The following ERCC8 variants were observed in gnomAD, a reference collection of about 807,000 sequenced individuals.
The protein encoded by ERCC8 is ERCC excision repair 8, CSA ubiquitin ligase complex subunit, also known as DNA excision repair protein ERCC-8.
ERCC8 carries 52 observed loss-of-function variants against 54.9 expected under a neutral mutation model. That is an observed-to-expected ratio of 0.95 (90% CI 0.76 to 1.19). The LOEUF (loss-of-function observed/expected upper bound fraction) is 1.19. Ranked by LOEUF, ERCC8 falls within the 50% of genes most tolerant of loss-of-function variation. ERCC8 has a pLI of 0.00. For missense variants in ERCC8, 514 were observed against 466.1 expected (o/e 1.10, Z -0.95); for synonymous variants, 146 against 157.2 (o/e 0.93, Z 0.53).
chr5:60,924,616 T>A (rs1749696599), intron 2 of ERCC8: 2 of 154,602 alleles, frequency 1.3e-5, no homozygotes, highest in African/African-American at 4.8e-5. Context: ...TGAATTATTG[T>A]TTTAATATTT....
rs367623962 is a variant in ERCC8, at chr5:60,922,781, G to A, written c.174-626C>T. ...ACTCTGCTAAAACAACTGTCAACAAGGCAGGCATGGTTCCTGTCTTCGCAG... is the reference window on the plus strand; with the variant it reads ...ACTCTGCTAAAACAACTGTCAACAAAGCAGGCATGGTTCCTGTCTTCGCAG... On this transcript the variant is annotated intron_variant, in intron 2 of 11. Coordinates refer to ENST00000676185, the MANE Select transcript of ERCC8 (RefSeq NM_000082.4). 2.3e-3 allele frequency among the ~76,000 whole-genome samples: 353 copies of A among 152,234 alleles called. 1 individual carries two copies. Among genetic ancestry groups the A allele is most frequent in the Middle Eastern group, 0.017 (5 of 294 alleles).
At chr5:60,904,679 TATATAA>T in intron 5 of ERCC8, 107 bp downstream of exon 5, 2 of 196,778 alleles carry the variant, frequency 1.0e-5, no homozygotes, top group South Asian at 9.3e-5. Context: ...TATATATATA[TATATAA>T]AATTGTGATA....
chr5:60,904,454 A>C (rs1424827112), intron 5 of ERCC8, among the ~76,000 whole-genome samples: 1 of 151,528 alleles, frequency 6.6e-6, no homozygotes, highest in Non-Finnish European at 1.5e-5. Flanking sequence ...TCAAATTGGG[A>C]AAGTTGCCAA....
chr5:60,880,885 C>T (rs957516868), intron 11 of ERCC8, among the ~76,000 whole-genome samples: 9 of 152,180 alleles, frequency 5.9e-5, no homozygotes, highest in African/African-American at 1.9e-4. Flanking sequence ...ATTCTCCATC[C>T]AGTTTGTTCT....
chr5:60,911,614 T>A (rs576599982), intron 4 of ERCC8, among the ~76,000 whole-genome samples: 3 of 152,314 alleles, frequency 2.0e-5, no homozygotes, highest in Non-Finnish European at 2.9e-5. Flanking sequence ...ACTTGTCAAT[T>A]TTGACTTTTG....
At chr5:60,906,015 C>T (rs995396797) in intron 4 of ERCC8, among the ~76,000 whole-genome samples, 2 of 151,924 alleles carry the variant, frequency 1.3e-5, no homozygotes, top group Non-Finnish European at 1.5e-5. Flanking sequence ...AGGTGGAGCC[C>T]CTGGTGTCAG....
chr5:60,896,590 A>G (rs1748732722), intron 9 of ERCC8, among the ~76,000 whole-genome samples: 1 of 152,158 alleles, frequency 6.6e-6, no homozygotes, highest in Non-Finnish European at 1.5e-5. Context: ...ATCTGAAGAC[A>G]GTGTGTTTCC....
chr5:60,904,638 A>ATATATATATATT (rs1749009859), intron 5 of ERCC8, 154 bp downstream of exon 5: 2 of 26,938 alleles, frequency 7.4e-5, no homozygotes, highest in African/African-American at 5.0e-4. Flanking sequence ...GTGTGTGTAT[A>ATATATATATATT]TATATATATA....
chr5:60,940,848 G>A lies in ERCC8; in HGVS notation c.77+4084C>T, dbSNP rs182728037. Among the ~76,000 whole-genome samples, 499 of 152,270 alleles carry A rather than the reference G, an allele frequency of 3.3e-3. 2 individuals are homozygous for A. The highest frequency in any genetic ancestry group is 0.012 in the African/African-American group (483 of 41,546). On this transcript the variant is annotated intron_variant, in intron 1 of 11. Coordinates refer to ENST00000676185, the MANE Select transcript of ERCC8 (RefSeq NM_000082.4). Reference sequence around the variant, plus strand: ...AACATTCTTCATAGGATCAAAACAAGACCCAGAGTATTCAAAATGTCCAGG... The same window carrying A: ...AACATTCTTCATAGGATCAAAACAAAACCCAGAGTATTCAAAATGTCCAGG...
chr5:60,891,648 T>G (rs1349611459), intron 9 of ERCC8, among the ~76,000 whole-genome samples: 1 of 136,286 alleles, frequency 7.3e-6, no homozygotes, highest in African/African-American at 3.0e-5. Flanking sequence ...TGATATTTTT[T>G]GGGGGGGCAT....
chr5:60,913,443 C>G (rs1749333799), intron 4 of ERCC8, among the ~76,000 whole-genome samples: 1 of 151,996 alleles, frequency 6.6e-6, no homozygotes, highest in African/African-American at 2.4e-5. Context: ...GTGATATTCC[C>G]TTTATCATTT....
chr5:60,882,095 C>T (rs1274390950), intron 11 of ERCC8, among the ~76,000 whole-genome samples: 2 of 152,170 alleles, frequency 1.3e-5, no homozygotes, highest in Non-Finnish European at 2.9e-5. Context: ...CCTACCTCAG[C>T]CTCCCAGAGT....
intron 11 of ERCC8, among the ~76,000 whole-genome samples, chr5:60,884,895 T>C (rs1001200773): frequency 5.9e-5 from 9 of 152,188 alleles, no homozygotes; most frequent in Non-Finnish European, 1.3e-4. Context: ...TGTATATCTC[T>C]ATGTGATTTT....
In ERCC8 at chr5:60,944,980, G is replaced by T. The variant is rs887884214; in HGVS notation, c.29C>A (p.Thr10Lys). The T allele has an allele frequency of 6.2e-7, 1 of 1,614,094 alleles. No individual in the cohort carries two copies. Among genetic ancestry groups the T allele is most frequent in the South Asian group, 1.1e-5 (1 of 91,084 alleles). Residue 10 changes from threonine to lysine, a missense_variant, in exon 1 of 12, where the codon ACG (threonine) becomes AAG (lysine). Physicochemically the swap from Thr to Lys is moderately conservative, Grantham distance 78. Coordinates refer to ENST00000676185, the MANE Select transcript of ERCC8 (RefSeq NM_000082.4). MLGFLSARQ[T>K]GLEDPLRLRR... ...AAGGCGAAGAGGGTCCTCCAAACCC[G>T]TTTGGCGTGCGGACAAAAACCCCAG... is the stretch of plus-strand genomic sequence containing the variant.
rs1049524495 is a variant in ERCC8, at chr5:60,874,504, T to A, written c.*111A>T. ...TCATTTTAAAACATGAGGAAAAATA[T>A]TACCCACATTTAGGGCTAATTTAGC... On this transcript the variant is annotated 3_prime_UTR_variant, in exon 12 of 12. Transcript: ENST00000676185. The A allele has an allele frequency of 1.2e-6, 1 of 865,262 alleles. No homozygotes were observed. Among genetic ancestry groups the A allele is most frequent in the Non-Finnish European group, 1.8e-6 (1 of 540,766 alleles). The allele number at this position is 865,262 out of a possible 1,614,324, so 53.6% of individuals were successfully genotyped here. A position where few individuals can be genotyped will look rare whatever the true frequency, so the allele number is the denominator to read the frequency against.
rs542722701 is a variant in ERCC8, at chr5:60,889,971, A to G, written c.1041+918T>C. On this transcript the variant is annotated intron_variant, in intron 10 of 11. Coordinates refer to ENST00000676185, the MANE Select transcript of ERCC8 (RefSeq NM_000082.4). ...TAGTTGCTGCGTTAAGGTGACGTCT[A>G]AGAGGTCCCAGGGAAGGGGCTGAGG... Among the ~76,000 whole-genome samples the G allele has an allele frequency of 8.5e-5, 13 of 152,220 alleles. No individual in the cohort carries two copies. The South Asian group carries it at 2.7e-3, about 32-fold the overall frequency.
rs150642110 is a variant in ERCC8 at position 60,927,736 on chromosome 5, A to G, written c.173+1128T>C. Among the ~76,000 whole-genome samples the G allele has an allele frequency of 2.9e-4, 44 of 152,264 alleles. No homozygotes were observed. The East Asian group carries it at 8.5e-3, about 29-fold the overall frequency. ...CTCATGTCTGCATGTTTCATAAGTGAGTGCCCCCCCAGCTGTCCTTGAATA... is the reference window on the plus strand; with the variant it reads ...CTCATGTCTGCATGTTTCATAAGTGGGTGCCCCCCCAGCTGTCCTTGAATA... On this transcript the variant is annotated intron_variant, in intron 2 of 11. Coordinates refer to ENST00000676185, the MANE Select transcript of ERCC8 (RefSeq NM_000082.4).
intron 1 of ERCC8, among the ~76,000 whole-genome samples, chr5:60,941,576 G>C (rs1479334814): frequency 2.0e-5 from 3 of 152,184 alleles, no homozygotes; most frequent in African/African-American, 7.2e-5. Context: ...TCAAGAAGCA[G>C]AATGAACCCT....
At chr5:60,878,592 A>G (rs1748094676) in intron 11 of ERCC8, among the ~76,000 whole-genome samples, 1 of 152,040 alleles carries the variant, frequency 6.6e-6, no homozygotes, top group South Asian at 2.1e-4. Flanking sequence ...TTCCTCGTTT[A>G]GTCTTGGGAG....
Sources: gnomAD v4.1 joint callset for allele counts (sites outside exome capture counted in the v4.1 genomes callset) on GRCh38, gnomAD v4.1.1 for gene constraint, MANE v1.5 for transcripts, NCBI Gene and HGNC (gene_info 2026-07-23, HGNC 2026-07-21) for gene names.